PLAAT5: variants seen among roughly 807,000 people sequenced by gnomAD.
PLAAT5 encodes Ca(2+)-independent N-acyltransferase.
In PLAAT5, 27 loss-of-function variants were observed where a neutral mutation model predicts 27.8. That is an observed-to-expected ratio of 0.97 (90% CI 0.72 to 1.34). The LOEUF (loss-of-function observed/expected upper bound fraction) is 1.34. Among genes scored for constraint, PLAAT5 ranks in the 40% most tolerant of loss-of-function variants. PLAAT5 has a pLI of 0.00. For synonymous variants in PLAAT5, 125 were observed against 136.1 expected (o/e 0.92, Z 0.57); for missense variants, 368 against 343.8 (o/e 1.07, Z -0.56).
chr11:63,481,980 G>A (rs144528393), intron 3 of PLAAT5, among the ~76,000 whole-genome samples: 309 of 152,040 alleles, frequency 2.0e-3, no homozygotes, highest in African/African-American at 5.5e-3. Context: ...TAGGTGCAGC[G>A]CACCAACATG....
intron 3 of PLAAT5, among the ~76,000 whole-genome samples, chr11:63,476,503 T>C (rs2016154519): frequency 6.6e-6 from 1 of 152,194 alleles, no homozygotes; most frequent in Non-Finnish European, 1.5e-5. Context: ...TTAACAGGTT[T>C]TTTTCTTTCA....
chr11:63,475,150 A>C (rs2016122470), intron 3 of PLAAT5, among the ~76,000 whole-genome samples: 1 of 152,096 alleles, frequency 6.6e-6, no homozygotes, highest in Non-Finnish European at 1.5e-5. Context: ...TGTTTTATAA[A>C]TGTCAGTTAG....
At chr11:63,479,101 G>A (rs1028457694) in intron 3 of PLAAT5, among the ~76,000 whole-genome samples, 7 of 152,140 alleles carry the variant, frequency 4.6e-5, no homozygotes, top group African/African-American at 1.7e-4. Flanking sequence ...AAGCAGTAGG[G>A]ATATCCCCCA....
intron 3 of PLAAT5, among the ~76,000 whole-genome samples, chr11:63,468,974 C>T (rs2015939770): frequency 6.6e-6 from 1 of 152,048 alleles, no homozygotes; most frequent in Admixed American, 6.6e-5. Flanking sequence ...ACCCTGATTC[C>T]CTCTGCAGGG....
At chr11:63,472,436 C>A (rs2016051419) in intron 3 of PLAAT5, among the ~76,000 whole-genome samples, 1 of 152,202 alleles carries the variant, frequency 6.6e-6, no homozygotes, top group Non-Finnish European at 1.5e-5. Context: ...ATCACTTTGG[C>A]TATCCCAGGT....
In PLAAT5 at chr11:63,490,919, G is replaced by A; in HGVS notation, c.116C>T (p.Pro39Leu). 6.2e-7 allele frequency: 1 copy of A among 1,604,002 alleles called. No homozygotes were observed. The highest frequency in any genetic ancestry group is 8.5e-7 in the Non-Finnish European group (1 of 1,175,660). ...TASTGPKDQP[P>L]ALRRSAVPHS... ...GGGCACAGCTGAACGTCTGAGCGCA[G>A]GCGGCTGGTCCTTGGGCCCGGTACT... is the stretch of plus-strand genomic sequence containing the variant. Residue 39 changes from proline (P) to leucine (L), a missense_variant, in exon 1 of 6, where the codon CCT becomes CTT. Transcript: ENST00000540857.
At chr11:63,468,234 G>A (rs1359503458) in intron 4 of PLAAT5, 123 bp downstream of exon 4, 1 of 749,086 alleles carries the variant, frequency 1.3e-6, no homozygotes, top group African/African-American at 1.7e-5. Context: ...CAAAGGTCCA[G>A]TCATGCTTCA....
chr11:63,467,101 G>A (rs1165632230), intron 4 of PLAAT5, among the ~76,000 whole-genome samples: 1 of 152,192 alleles, frequency 6.6e-6, no homozygotes, highest in Non-Finnish European at 1.5e-5. Context: ...GTTGATATGC[G>A]AATGTGTATA....
At chr11:63,474,432 C>T (rs1341011027) in intron 3 of PLAAT5, among the ~76,000 whole-genome samples, 1 of 152,094 alleles carries the variant, frequency 6.6e-6, no homozygotes, top group African/African-American at 2.4e-5. Context: ...GGAACTTACC[C>T]AATTCATCTC....
intron 3 of PLAAT5, among the ~76,000 whole-genome samples, chr11:63,483,784 A>T (rs186367432): frequency 0.071 from 4,647 of 65,508 alleles, 146 homozygotes; most frequent in African/African-American, 0.15. Flanking sequence ...GCAAAAAAAA[A>T]ATATATATAT....
intron 3 of PLAAT5, 64 bp downstream of exon 3, chr11:63,488,806 AC>A (rs1298204731): frequency 1.8e-6 from 2 of 1,108,068 alleles, no homozygotes; most frequent in African/African-American, 3.1e-5. Context: ...AAAGTAAAAT[AC>A]AATATGTAGA....
intron 3 of PLAAT5, among the ~76,000 whole-genome samples, chr11:63,469,154 G>GAC (rs1555025600): frequency 5.3e-5 from 8 of 151,640 alleles, no homozygotes; most frequent in African/African-American, 1.7e-4. Context: ...GTGAGAGAGA[G>GAC]AGAGAGACAG....
intron 5 of PLAAT5, 32 bp from the exon 6 acceptor site, chr11:63,463,627 G>A (rs770546983): frequency 3.2e-6 from 5 of 1,577,066 alleles, no homozygotes; most frequent in Non-Finnish European, 4.4e-6. Flanking sequence ...AGGACAATCA[G>A]TACCAATCCT....
chr11:63,465,474 G>C (rs1225011790), intron 5 of PLAAT5, among the ~76,000 whole-genome samples: 1 of 150,820 alleles, frequency 6.6e-6, no homozygotes, highest in Non-Finnish European at 1.5e-5. Context: ...ATCTGCTTCT[G>C]CTTATCCCTG....
chr11:63,472,632 C>T (rs2016056369), intron 3 of PLAAT5, among the ~76,000 whole-genome samples: 1 of 152,130 alleles, frequency 6.6e-6, no homozygotes, highest in African/African-American at 2.4e-5. Context: ...TCTCCCTTAC[C>T]AATGTTTTGT....
chr11:63,479,707 A>G (rs1343314675), intron 3 of PLAAT5, among the ~76,000 whole-genome samples: 1 of 152,240 alleles, frequency 6.6e-6, no homozygotes, highest in Non-Finnish European at 1.5e-5. Context: ...TCACTGTTAC[A>G]GTAATCTAAG....
rs1273020749 is a variant in PLAAT5, at chr11:63,467,388, G to A, written c.454+969C>T. Among the ~76,000 whole-genome samples the A allele has an allele frequency of 6.6e-5, 10 of 152,144 alleles. No individual in the cohort carries two copies. In the South Asian group the frequency reaches 1.7e-3, roughly 25 times the overall value. ...TTGAGTAGGTTCTGAGACAAGAAGT[G>A]GGAAGGGTATGAGTGGATGGGGCAG... On this transcript the variant is annotated intron_variant, in intron 4 of 5. Transcript: ENST00000540857.
intron 4 of PLAAT5, among the ~76,000 whole-genome samples, chr11:63,466,676 G>C (rs2015875063): frequency 2.0e-5 from 3 of 152,170 alleles, no homozygotes; most frequent in Admixed American, 2.0e-4. Flanking sequence ...CCTAGGATTT[G>C]AGTCTCATTT....
At chr11:63,476,548 C>T (rs1334481448) in intron 3 of PLAAT5, among the ~76,000 whole-genome samples, 1 of 152,102 alleles carries the variant, frequency 6.6e-6, no homozygotes, top group African/African-American at 2.4e-5. Context: ...GCCTTCTGGT[C>T]TCCATTGTTT....
Sources: allele counts gnomAD v4.1 joint callset (sites outside exome capture counted in the v4.1 genomes callset), GRCh38; gene constraint gnomAD v4.1.1; transcripts MANE v1.5; gene names NCBI Gene and HGNC (gene_info 2026-07-23, HGNC 2026-07-21).